The following STAU2 variants were observed in gnomAD, a reference collection of about 807,000 sequenced individuals.
STAU2 encodes double-stranded RNA-binding protein Staufen homolog 2.
STAU2 carries 20 observed loss-of-function variants against 65.9 expected under a neutral mutation model. The ratio of observed to expected loss-of-function variants is 0.30; its 90% CI spans 0.21 to 0.44. STAU2 has a LOEUF of 0.44. Among genes scored for constraint, STAU2 ranks in the 20% least tolerant of loss-of-function variants. The pLI, the probability that STAU2 is intolerant of heterozygous loss-of-function variation, is 1.00. For missense variants in STAU2, 558 were observed against 683.9 expected (o/e 0.82, Z 2.05); for synonymous variants, 232 against 233.9 (o/e 0.99, Z 0.07).
intron 13 of STAU2, among the ~76,000 whole-genome samples, chr8:73,443,530 A>G (rs538959786): frequency 6.6e-6 from 1 of 152,344 alleles, no homozygotes; most frequent in South Asian, 2.1e-4. Flanking sequence ...GAAATCAGGC[A>G]CCTTCTCAAT....
intron 12 of STAU2, among the ~76,000 whole-genome samples, chr8:73,558,384 T>C (rs531828827): frequency 4.2e-4 from 64 of 152,330 alleles, no homozygotes; most frequent in African/African-American, 1.5e-3. Flanking sequence ...ACCAGGCTAT[T>C]GTACCCACTT....
intron 4 of STAU2, among the ~76,000 whole-genome samples, chr8:73,699,577 G>A (rs1164777582): frequency 6.6e-6 from 1 of 151,976 alleles, no homozygotes; most frequent in Non-Finnish European, 1.5e-5. Context: ...TGAAGAAACA[G>A]ACAAATTCCT....
At chr8:73,543,248 TG>T (rs1236407614) in intron 13 of STAU2, among the ~76,000 whole-genome samples, 1 of 152,186 alleles carries the variant, frequency 6.6e-6, no homozygotes, top group Non-Finnish European at 1.5e-5. Context: ...AAGGATTTTG[TG>T]GTTGTCTGGA....
intron 13 of STAU2, among the ~76,000 whole-genome samples, chr8:73,537,662 G>T (rs932556987): frequency 6.6e-6 from 1 of 152,150 alleles, no homozygotes; most frequent in African/African-American, 2.4e-5. Flanking sequence ...TCAAATACAA[G>T]GAAACAGTCT....
At chr8:73,704,223 A>G (rs1331390121) in intron 4 of STAU2, among the ~76,000 whole-genome samples, 2 of 152,222 alleles carry the variant, frequency 1.3e-5, no homozygotes, top group African/African-American at 2.4e-5. Flanking sequence ...AGAACATTTT[A>G]TAGGACAAAT....
At chr8:73,603,898 G>A (rs371792395) in intron 9 of STAU2, 35 bp from the exon 10 acceptor site, 14 of 1,571,448 alleles carry the variant, frequency 8.9e-6, no homozygotes, top group Non-Finnish European at 1.1e-5. Context: ...TTTAAAATAT[G>A]CTTGTGAAAC....
At chr8:73,718,384 A>C (rs1379812167) in intron 3 of STAU2, among the ~76,000 whole-genome samples, 1 of 152,222 alleles carries the variant, frequency 6.6e-6, no homozygotes, top group Non-Finnish European at 1.5e-5. Context: ...CATCAAAATA[A>C]CCATCTTTGT....
At chr8:73,703,146 A>G (rs181473641) in intron 4 of STAU2, among the ~76,000 whole-genome samples, 12 of 152,258 alleles carry the variant, frequency 7.9e-5, no homozygotes, top group Admixed American at 2.6e-4. Flanking sequence ...GTAATCCCCA[A>G]TGTTGGAGGT....
intron 4 of STAU2, among the ~76,000 whole-genome samples, chr8:73,693,657 T>C (rs1385442052): frequency 1.3e-5 from 2 of 152,224 alleles, no homozygotes; most frequent in African/African-American, 2.4e-5. Context: ...GGCAATCCTA[T>C]GCTTTTCTAC....
chr8:73,730,055 C>A (rs2130744986), intron 3 of STAU2, among the ~76,000 whole-genome samples: 1 of 152,050 alleles, frequency 6.6e-6, no homozygotes, highest in African/African-American at 2.4e-5. Flanking sequence ...TCTTTATTTA[C>A]TTCCTTTTTT....
At chr8:73,602,914 T>C (rs1811743848) in intron 10 of STAU2, among the ~76,000 whole-genome samples, 1 of 151,974 alleles carries the variant, frequency 6.6e-6, no homozygotes, top group African/African-American at 2.4e-5. Flanking sequence ...TTTGAAATAC[T>C]TCAGTAAAAG....
At chr8:73,436,568 T>TTTTATTTA (rs3032117) in intron 13 of STAU2, among the ~76,000 whole-genome samples, 15,091 of 141,330 alleles carry the variant, frequency 0.11, 1,815 homozygotes, top group African/African-American at 0.28. Flanking sequence ...TTTGCCAATT[T>TTTTATTTA]TTTATTTATT....
At chr8:73,469,126 T>TA (rs1819828135) in intron 13 of STAU2, among the ~76,000 whole-genome samples, 1 of 152,150 alleles carries the variant, frequency 6.6e-6, no homozygotes, top group African/African-American at 2.4e-5. Flanking sequence ...TATGCAGCCA[T>TA]AAAAAAGGAT....
chr8:73,746,393 CG>C (rs1586406391), intron 1 of STAU2, among the ~76,000 whole-genome samples: 1 of 152,002 alleles, frequency 6.6e-6, no homozygotes, highest in East Asian at 1.9e-4. Context: ...GCTACCACCC[CG>C]GCCCCCTAGA....
rs1810090505 is a variant in STAU2 at position 73,582,838 on chromosome 8, A to C, written c.1162-8T>G. 1 of 1,608,486 alleles carries C rather than the reference A, an allele frequency of 6.2e-7. No homozygotes were observed. Among genetic ancestry groups the C allele is most frequent in the African/African-American group, 1.3e-5 (1 of 74,880 alleles). ...TCCTTTGTTTTCCCCTGTCTGAAAG[A>C]TTAAATCAATCGTTCAAATCCAGAG... On this transcript the variant is annotated splice_polypyrimidine_tract_variant and splice_region_variant and intron_variant, in intron 11 of 14. Coordinates refer to ENST00000524300, the MANE Select transcript of STAU2 (RefSeq NM_001164380.2).
intron 1 of STAU2, among the ~76,000 whole-genome samples, chr8:73,742,515 G>C (rs1029727977): frequency 3.1e-4 from 47 of 151,494 alleles, no homozygotes; most frequent in African/African-American, 1.1e-3. Flanking sequence ...GGGTGACAGA[G>C]TAAGACTCCA....
chr8:73,614,189 T>C (rs1039907133), intron 8 of STAU2, among the ~76,000 whole-genome samples: 4 of 152,192 alleles, frequency 2.6e-5, no homozygotes, highest in African/African-American at 9.6e-5. Flanking sequence ...GTCAAAATGA[T>C]TTATTACTTT....
At chr8:73,672,024 CA>C (rs1008428798) in intron 6 of STAU2, among the ~76,000 whole-genome samples, 3 of 145,410 alleles carry the variant, frequency 2.1e-5, no homozygotes, top group Non-Finnish European at 3.0e-5. Context: ...GACTGCGTCT[CA>C]AAAAAAAAGA....
At chr8:73,549,800 T>G in intron 13 of STAU2, 1 of 985,204 alleles carries the variant, frequency 1.0e-6, no homozygotes, top group Non-Finnish European at 1.2e-6. Flanking sequence ...GAAAAAGAAT[T>G]TATTGTTTTT....
Sources: gnomAD v4.1 joint callset for allele counts (sites outside exome capture counted in the v4.1 genomes callset) on GRCh38, gnomAD v4.1.1 for gene constraint, MANE v1.5 for transcripts, NCBI Gene and HGNC (gene_info 2026-07-23, HGNC 2026-07-21) for gene names.